RAD51: variants seen among roughly 807,000 people sequenced by gnomAD.
The protein encoded by RAD51 is DNA repair protein RAD51 homolog 1.
RAD51 carries 14 observed loss-of-function variants against 41.5 expected under a neutral mutation model. The ratio of observed to expected loss-of-function variants is 0.34; its 90% CI spans 0.22 to 0.53. The LOEUF (loss-of-function observed/expected upper bound fraction) is 0.53, where lower values mean the gene tolerates loss of function less well. Ranked by LOEUF, RAD51 falls within the 20% of genes least tolerant of loss-of-function variation. The pLI, the probability that RAD51 is intolerant of heterozygous loss-of-function variation, is 0.95. For missense variants in RAD51, 234 were observed against 422.0 expected, an observed-to-expected ratio of 0.55 and a Z score of 3.90; for synonymous variants, 136 against 148.6, an observed-to-expected ratio of 0.92 and a Z score of 0.62.
intron 6 of RAD51, among the ~76,000 whole-genome samples, chr15:40,722,935 G>A (rs1896356415): frequency 6.6e-6 from 1 of 152,096 alleles, no homozygotes; most frequent in Admixed American, 6.6e-5. Context: ...AAGAATGTGA[G>A]AAAATATTTG....
intron 1 of RAD51, among the ~76,000 whole-genome samples, chr15:40,696,373 A>C (rs552850224): frequency 1.8e-4 from 28 of 152,232 alleles, no homozygotes; most frequent in African/African-American, 6.7e-4. Flanking sequence ...CAAGAGTTCG[A>C]GAACAGCCTG....
intron 1 of RAD51, 143 bp from the exon 2 acceptor site, chr15:40,698,614 G>C: frequency 1.4e-6 from 1 of 740,630 alleles, no homozygotes. Flanking sequence ...GGAATATAAA[G>C]CAGGAGAACA....
chr15:40,704,512 C>A (rs1259287031), intron 3 of RAD51, among the ~76,000 whole-genome samples: 5 of 151,734 alleles, frequency 3.3e-5, no homozygotes, highest in African/African-American at 1.2e-4. Context: ...CAGGCGCACG[C>A]CACCACGCCC....
chr15:40,711,087 A>G (rs981441759), intron 5 of RAD51, among the ~76,000 whole-genome samples: 2 of 152,174 alleles, frequency 1.3e-5, no homozygotes, highest in African/African-American at 4.8e-5. Flanking sequence ...CAGACTTCAG[A>G]GATGATGTTC....
At position 40,731,411 on chromosome 15, in the gene RAD51, C is replaced by G; in HGVS notation, c.*233C>G. On this transcript the variant is annotated 3_prime_UTR_variant, in exon 10 of 10. Coordinates refer to ENST00000267868, the MANE Select transcript of RAD51 (RefSeq NM_002875.5). ...TAGTGTATTAATCTCTGTGTGTTTTCTTTGGTTTTGGAGGAGGGGTATGAA... is the reference window on the plus strand; with the variant it reads ...TAGTGTATTAATCTCTGTGTGTTTTGTTTGGTTTTGGAGGAGGGGTATGAA... 1 of 542,690 alleles carries G rather than the reference C, an allele frequency of 1.8e-6. No individual in the cohort carries two copies. The allele number at this position is 542,690 out of a possible 1,614,324, so 33.6% of individuals were successfully genotyped here.
In RAD51 at chr15:40,718,915, A is replaced by T; in HGVS notation, c.530+16A>T. 6.4e-7 allele frequency: 1 copy of T among 1,573,874 alleles called. No homozygotes were observed. The highest frequency in any genetic ancestry group is 8.7e-7 in the Non-Finnish European group (1 of 1,143,616). On this transcript the variant is annotated intron_variant, in intron 6 of 9. Coordinates refer to ENST00000267868, the MANE Select transcript of RAD51 (RefSeq NM_002875.5). Reference sequence around the variant, plus strand: ...TGGCTGAGAGGTAGGTTACTGGTTTAGATAAGAGAGACTATGGCTACACTT... The same window carrying T: ...TGGCTGAGAGGTAGGTTACTGGTTTTGATAAGAGAGACTATGGCTACACTT...
intron 3 of RAD51, among the ~76,000 whole-genome samples, chr15:40,703,545 G>A (rs1376167986): frequency 6.6e-6 from 1 of 152,098 alleles, no homozygotes; most frequent in African/African-American, 2.4e-5. Context: ...CTTCTTGAGT[G>A]AGTTTTGGTA....
rs550995465 is a variant in RAD51 at position 40,695,786 on chromosome 15, C to T, written c.-3+361C>T. 6 of 152,346 alleles carry T rather than the reference C, an allele frequency of 3.9e-5. No homozygotes were observed. The South Asian group carries it at 1.2e-3, about 32-fold the overall frequency. 9.4% of individuals were successfully genotyped at this position (152,346 alleles called of 1,614,324 possible). A position where few individuals can be genotyped will look rare whatever the true frequency, so the allele number is the denominator to read the frequency against. On this transcript the variant is annotated intron_variant, in intron 1 of 9. Transcript: ENST00000267868. ...TACACCGTGCTTAGAAAGTACCAAT[C>T]TCCGATTGCCAAAACAGTGTTTTCA...
At chr15:40,730,035 A>G (rs1896789260) in intron 9 of RAD51, 61 bp downstream of exon 9, 7 of 1,589,954 alleles carry the variant, frequency 4.4e-6, no homozygotes, top group African/African-American at 4.0e-5. Flanking sequence ...TGAAGACATG[A>G]AGATATAACA....
intron 3 of RAD51, 89 bp downstream of exon 3, chr15:40,701,290 T>C: frequency 4.9e-6 from 7 of 1,428,038 alleles, no homozygotes; most frequent in Non-Finnish European, 6.9e-6. Flanking sequence ...CTATCTCTTA[T>C]TCTTCGGTCA....
chr15:40,698,390 G>A (rs1219811865), intron 1 of RAD51, among the ~76,000 whole-genome samples: 1 of 151,992 alleles, frequency 6.6e-6, no homozygotes, highest in East Asian at 1.9e-4. Flanking sequence ...GGTTTCGCAT[G>A]TTGGCCGGGA....
intron 5 of RAD51, among the ~76,000 whole-genome samples, chr15:40,716,962 T>C (rs950915261): frequency 2.0e-5 from 3 of 151,968 alleles, no homozygotes; most frequent in African/African-American, 7.2e-5. Flanking sequence ...GCGCCTGGCC[T>C]CCGGCCCTCT....
intron 5 of RAD51, among the ~76,000 whole-genome samples, chr15:40,715,358 AAAAAACC>A (rs1025087366): frequency 2.0e-4 from 8 of 40,428 alleles, no homozygotes; most frequent in East Asian, 7.4e-3. Flanking sequence ...CTGTCTCAAA[AAAAAACC>A]AAAAACCAAA....
At chr15:40,699,271 G>A (rs867982422) in intron 2 of RAD51, among the ~76,000 whole-genome samples, 1 of 152,162 alleles carries the variant, frequency 6.6e-6, no homozygotes, top group Non-Finnish European at 1.5e-5. Flanking sequence ...AGCCTCCCAA[G>A]TAGCTGGAAT....
At chr15:40,703,515 T>G (rs1406960042) in intron 3 of RAD51, among the ~76,000 whole-genome samples, 1 of 152,262 alleles carries the variant, frequency 6.6e-6, no homozygotes, top group East Asian at 1.9e-4. Flanking sequence ...TTTTACTTTC[T>G]ATGGGTCTAT....
chr15:40,726,614 C>G (rs1567053363), intron 6 of RAD51, among the ~76,000 whole-genome samples: 2 of 151,400 alleles, frequency 1.3e-5, no homozygotes, highest in African/African-American at 2.4e-5. Context: ...TCAAGAAACA[C>G]TATGAAAGAG....
chr15:40,712,719 A>G (rs1021405950), intron 5 of RAD51, among the ~76,000 whole-genome samples: 2 of 152,130 alleles, frequency 1.3e-5, no homozygotes, highest in African/African-American at 4.8e-5. Context: ...ATTTTAATCT[A>G]GATAGATTAT....
rs184057373 is a variant in RAD51 at position 40,700,928 on chromosome 15, C to T, written c.88-136C>T. The T allele has an allele frequency of 2.0e-4, 160 of 810,838 alleles. 5 individuals are homozygous for T. The highest frequency in any genetic ancestry group is 2.7e-4 in the Non-Finnish European group (146 of 537,518). The allele number at this position is 810,838 out of a possible 1,614,324, so 50.2% of individuals were successfully genotyped here. On this transcript the variant is annotated intron_variant, in intron 2 of 9. Coordinates refer to ENST00000267868, the MANE Select transcript of RAD51 (RefSeq NM_002875.5). Reference sequence around the variant, plus strand: ...CTGGAACCAACTTCCCATCTCCCCCCGCCCCCCCAAGGATTTCAAGGGACA... The same window carrying T: ...CTGGAACCAACTTCCCATCTCCCCCTGCCCCCCCAAGGATTTCAAGGGACA...
chr15:40,700,046 A>G (rs1894887009), intron 2 of RAD51, among the ~76,000 whole-genome samples: 1 of 152,210 alleles, frequency 6.6e-6, no homozygotes, highest in Non-Finnish European at 1.5e-5. Context: ...CAGAGTCATA[A>G]CTTCTGGTGC....
Sources: gnomAD v4.1 joint callset for allele counts (sites outside exome capture counted in the v4.1 genomes callset) on GRCh38, gnomAD v4.1.1 for gene constraint, MANE v1.5 for transcripts, NCBI Gene and HGNC (gene_info 2026-07-23, HGNC 2026-07-21) for gene names.